Variants in ITGA8 observed in about 807,000 individuals in gnomAD.
The protein encoded by ITGA8 is integrin subunit alpha 8, also known as integrin alpha-8.
Under a neutral mutation model 142.3 loss-of-function variants are expected in ITGA8, and 91 were observed. The observed-to-expected ratio is 0.64, with a 90% confidence interval of 0.54 to 0.76. The LOEUF is 0.76. Ranked by LOEUF, ITGA8 falls within the 30% of genes least tolerant of loss-of-function variation. The pLI is 0.00. For missense variants in ITGA8, 1,406 were observed against 1,327.7 expected (o/e 1.06, Z -0.92); for synonymous variants, 505 against 485.2 (o/e 1.04, Z -0.54).
intron 2 of ITGA8, among the ~76,000 whole-genome samples, chr10:15,689,388 A>G (rs562183782): frequency 6.6e-6 from 1 of 152,306 alleles, no homozygotes; most frequent in South Asian, 2.1e-4. Context: ...CGCAGAGAGA[A>G]GTGATCCACC....
intron 8 of ITGA8, among the ~76,000 whole-genome samples, chr10:15,668,819 C>G (rs553208964): frequency 6.6e-6 from 1 of 152,178 alleles, no homozygotes; most frequent in Non-Finnish European, 1.5e-5. Context: ...GTTGAAAATT[C>G]TTTTCTTTAA....
rs1021653413 is a variant in ITGA8, at chr10:15,514,112, C to T, written c.*3046G>A. 1 of 152,140 alleles carries T rather than the reference C, an allele frequency of 6.6e-6. No individual in the cohort carries two copies. The highest frequency in any genetic ancestry group is 2.4e-5 in the African/African-American group (1 of 41,428). 9.4% of individuals were successfully genotyped at this position (152,140 alleles called of 1,614,324 possible). On this transcript the variant is annotated 3_prime_UTR_variant, in exon 30 of 30. Transcript: ENST00000378076. ...ATTTTTTTATTTACTGTATAAAAAT[C>T]TCCAAGTTTATAAAACTTAATTTGC...
At chr10:15,656,091 C>T (rs140700068) in intron 10 of ITGA8, among the ~76,000 whole-genome samples, 1 of 152,034 alleles carries the variant, frequency 6.6e-6, no homozygotes, top group African/African-American at 2.4e-5. Context: ...TCTCAAAAGA[C>T]AATATTGTCA....
At chr10:15,719,015 T>C in intron 1 of ITGA8, 116 bp from the exon 2 acceptor site, 1 of 1,462,668 alleles carries the variant, frequency 6.8e-7, no homozygotes, top group Non-Finnish European at 9.3e-7. Context: ...GGCATGAACG[T>C]ATTTATGATG....
chr10:15,580,126 T>TAAAAAAAAAAAAAAAAAAAAAAG (rs35286236), intron 23 of ITGA8, among the ~76,000 whole-genome samples: 11 of 108,894 alleles, frequency 1.0e-4, no homozygotes, highest in East Asian at 5.6e-4. Flanking sequence ...TCAGAAAATG[T>TAAAAAAAAAAAAAAAAAAAAAAG]AAAAAAAAAA....
intron 13 of ITGA8, among the ~76,000 whole-genome samples, chr10:15,632,671 A>C (rs1433162747): frequency 1.3e-5 from 2 of 152,176 alleles, no homozygotes; most frequent in Non-Finnish European, 2.9e-5. Flanking sequence ...ACAGCTTGAA[A>C]TCAATCATGG....
At chr10:15,657,064 C>T (rs1365727104) in intron 10 of ITGA8, among the ~76,000 whole-genome samples, 1 of 152,170 alleles carries the variant, frequency 6.6e-6, no homozygotes, top group African/African-American at 2.4e-5. Context: ...GAAATTCTTT[C>T]TCTTGATGTG....
Position 15,548,279 on chromosome 10 carries a change from A to C in ITGA8, c.2880+176T>G, listed in dbSNP as rs149133394. 4.6e-4 allele frequency among the ~76,000 whole-genome samples: 70 copies of C among 152,134 alleles called. 1 individual carries two copies. The East Asian group carries it at 0.01, about 22-fold the overall frequency. ...GCTAATTTTTCTATTTTTAGTAGAG[A>C]TGGGTTTTTTACCATGTAGGCCAGG... On this transcript the variant is annotated intron_variant, in intron 27 of 29. Transcript: ENST00000378076.
chr10:15,556,848 T>C (rs1016518614), intron 26 of ITGA8, among the ~76,000 whole-genome samples: 1 of 152,230 alleles, frequency 6.6e-6, no homozygotes, highest in African/African-American at 2.4e-5. Context: ...CCACTTCTCT[T>C]GTTTGCTTGC....
At chr10:15,694,337 T>C (rs375113957) in intron 2 of ITGA8, among the ~76,000 whole-genome samples, 4 of 120,378 alleles carry the variant, frequency 3.3e-5, no homozygotes, top group African/African-American at 1.3e-4. Context: ...ATATATCATA[T>C]ATCAGATAAT....
intron 27 of ITGA8, among the ~76,000 whole-genome samples, chr10:15,537,241 G>A (rs182994362): frequency 6.6e-6 from 1 of 152,164 alleles, no homozygotes; most frequent in Non-Finnish European, 1.5e-5. Context: ...TTCCTGGTTT[G>A]TATGACAAAA....
At chr10:15,674,719 T>G (rs1304528467) in intron 6 of ITGA8, among the ~76,000 whole-genome samples, 1 of 152,072 alleles carries the variant, frequency 6.6e-6, no homozygotes, top group African/African-American at 2.4e-5. Flanking sequence ...ATCATGAGTT[T>G]GAGACCAGGA....
In ITGA8 at chr10:15,613,741, G is replaced by A. The variant is rs1215091965; in HGVS notation, c.1472C>T (p.Ala491Val). ...AATCATTGGGTGCAGCAGAAGCTGG[G>A]CATCTACAGTCACAACCGGTCTTGC... is the stretch of plus-strand genomic sequence containing the variant. ...YRARPVVTVD[A>V]QLLLHPMIIN... Residue 491 changes from alanine (A) to valine (V), a missense_variant, in exon 15 of 30, where the codon GCC becomes GTC. Physicochemically the swap from Ala to Val is moderately conservative, Grantham distance 64. Transcript: ENST00000378076. 1.3e-5 allele frequency: 21 copies of A among 1,613,938 alleles called. No homozygotes were observed. The highest frequency in any genetic ancestry group is 1.6e-5 in the Non-Finnish European group (19 of 1,179,908).
chr10:15,667,247 G>T (rs1006508480), intron 8 of ITGA8, among the ~76,000 whole-genome samples: 3 of 152,116 alleles, frequency 2.0e-5, no homozygotes, highest in African/African-American at 7.2e-5. Flanking sequence ...TTAGTCTTGG[G>T]ATGATGTATG....
At chr10:15,629,813 G>C (rs1234635088) in intron 13 of ITGA8, among the ~76,000 whole-genome samples, 1 of 151,988 alleles carries the variant, frequency 6.6e-6, no homozygotes, top group African/African-American at 2.4e-5. Context: ...TATAATCCCA[G>C]CTACTTGGGA....
At chr10:15,672,893 G>A in intron 6 of ITGA8, 144 bp from the exon 7 acceptor site, 3 of 821,848 alleles carry the variant, frequency 3.7e-6, no homozygotes, top group Non-Finnish European at 5.4e-6. Context: ...CAAACTCCAA[G>A]GCAGAGTTAG....
intron 13 of ITGA8, among the ~76,000 whole-genome samples, chr10:15,634,988 TTTC>T (rs1230955711): frequency 1.3e-4 from 19 of 150,372 alleles, no homozygotes; most frequent in East Asian, 5.8e-4. Flanking sequence ...CTAAATATTT[TTTC>T]TTTCTTTCTT....
At chr10:15,517,786 T>C (rs1383977395) in intron 29 of ITGA8, among the ~76,000 whole-genome samples, 1 of 152,248 alleles carries the variant, frequency 6.6e-6, no homozygotes, top group Non-Finnish European at 1.5e-5. Flanking sequence ...TCCTGTCCTG[T>C]AGTTGGAGTG....
chr10:15,516,097 T>C lies in ITGA8; in HGVS notation c.*1061A>G, dbSNP rs1422732455. On this transcript the variant is annotated 3_prime_UTR_variant, in exon 30 of 30. Transcript: ENST00000378076. ...AACGGGTATTTAATCCCAAGCTAAA[T>C]ATCTATAAGAAGTGTTGCTTCTTAT... 1 of 152,210 alleles carries C rather than the reference T, an allele frequency of 6.6e-6. No homozygotes were observed. Among genetic ancestry groups the C allele is most frequent in the Non-Finnish European group, 1.5e-5 (1 of 68,022 alleles). The allele number at this position is 152,210 out of a possible 1,614,324, so 9.4% of individuals were successfully genotyped here.
Sources: gnomAD v4.1 joint callset for allele counts (sites outside exome capture counted in the v4.1 genomes callset) on GRCh38, gnomAD v4.1.1 for gene constraint, MANE v1.5 for transcripts, NCBI Gene and HGNC (gene_info 2026-07-23, HGNC 2026-07-21) for gene names.